The following CHST15 variants were observed in gnomAD, a reference collection of about 807,000 sequenced individuals.
CHST15 encodes the protein B cell RAG associated protein (GALNAC4S-6ST).
CHST15 carries 30 observed loss-of-function variants against 53.6 expected under a neutral mutation model. The ratio of observed to expected loss-of-function variants is 0.56; its 90% CI spans 0.42 to 0.76. CHST15 has a LOEUF of 0.76. Ranked by LOEUF, CHST15 falls within the 30% of genes least tolerant of loss-of-function variation. The pLI is 0.00. For synonymous variants in CHST15, 296 were observed against 289.8 expected (o/e 1.02, Z -0.22); for missense variants, 627 against 740.5 (o/e 0.85, Z 1.78).
chr10:124,038,651 T>G lies in CHST15; in HGVS notation c.1054A>C (p.Met352Leu). 1 of 1,614,114 alleles carries G rather than the reference T, an allele frequency of 6.2e-7. No individual in the cohort carries two copies. The highest frequency in any genetic ancestry group is 8.5e-7 in the Non-Finnish European group (1 of 1,180,018). The change falls in exon 5 of 8, where the codon ATG (methionine) becomes CTG (leucine). Residue 352 changes from methionine to leucine, a missense_variant. Coordinates refer to ENST00000435907, the MANE Select transcript of CHST15 (RefSeq NM_001270764.2). Reference sequence around the variant, plus strand: ...AACGTCCAGGCATTATTATCCCACATCGTGGAGGCACTGGCCTCCCCTGGA... The same window carrying G: ...AACGTCCAGGCATTATTATCCCACAGCGTGGAGGCACTGGCCTCCCCTGGA... Reference protein sequence around the residue: ...IIIGEASASTMWDNNAWTFFY... With the variant: ...IIIGEASASTLWDNNAWTFFY...
At chr10:124,079,782 C>G (rs550262308) in intron 1 of CHST15, among the ~76,000 whole-genome samples, 1 of 152,294 alleles carries the variant, frequency 6.6e-6, no homozygotes, top group South Asian at 2.1e-4. Context: ...CAGCCAGGGC[C>G]GGAAAGCAAT....
intron 6 of CHST15, chr10:124,020,652 C>T (rs893612148): frequency 1.4e-5 from 14 of 991,392 alleles, no homozygotes; most frequent in African/African-American, 1.7e-5. Context: ...ATAAGCCCTG[C>T]TGTTGAAGTA....
intron 5 of CHST15, among the ~76,000 whole-genome samples, chr10:124,031,391 T>C (rs554616150): frequency 1.2e-3 from 178 of 152,248 alleles, no homozygotes; most frequent in African/African-American, 3.9e-3. Flanking sequence ...TGTCATAGAG[T>C]GTTCACAGAA....
At chr10:124,090,818 G>T (rs1339565585) in intron 1 of CHST15, among the ~76,000 whole-genome samples, 3 of 152,210 alleles carry the variant, frequency 2.0e-5, no homozygotes, top group African/African-American at 7.2e-5. Context: ...GACCACTGTG[G>T]GCCGACCTGC....
chr10:124,012,191 G>T, intron 7 of CHST15, 142 bp downstream of exon 7: 7 of 832,740 alleles, frequency 8.4e-6, no homozygotes, highest in Non-Finnish European at 1.3e-5. Context: ...TACTTAACAG[G>T]CCTCCTGAAG....
intron 7 of CHST15, chr10:124,011,858 C>G: frequency 3.0e-6 from 3 of 985,366 alleles, no homozygotes; most frequent in Non-Finnish European, 3.6e-6. Context: ...CTGTTCCCTC[C>G]TCTAAGCCCC....
chr10:124,057,855 A>G (rs1472098316), intron 1 of CHST15, among the ~76,000 whole-genome samples: 2 of 152,126 alleles, frequency 1.3e-5, no homozygotes, highest in Non-Finnish European at 2.9e-5. Context: ...ACCACCCGAG[A>G]TATGGGCCAA....
At chr10:124,062,315 A>G (rs1220944569) in intron 1 of CHST15, among the ~76,000 whole-genome samples, 1 of 152,198 alleles carries the variant, frequency 6.6e-6, no homozygotes, top group Non-Finnish European at 1.5e-5. Flanking sequence ...TGCTGGGCAC[A>G]TAGGAACGGG....
intron 5 of CHST15, among the ~76,000 whole-genome samples, chr10:124,026,157 T>C (rs1946998238): frequency 1.3e-5 from 2 of 152,294 alleles, no homozygotes; most frequent in Admixed American, 6.5e-5. Flanking sequence ...ACTGGGGTCA[T>C]GTGGCCACAT....
In CHST15 at chr10:124,036,461, C is replaced by T. The variant is rs933307966; in HGVS notation, c.1190+2054G>A. On this transcript the variant is annotated intron_variant, in intron 5 of 7. Coordinates refer to ENST00000435907, the MANE Select transcript of CHST15 (RefSeq NM_001270764.2). The surrounding 1 kb of genome is among the most constrained non-coding windows in gnomAD (Gnocchi z 5.1). The stretch of plus-strand genomic sequence containing the variant: ...CCGGGACAGCCACCAAGAGCTCAGG[C>T]TCAGAGCGCTGGGGCTGAGGGAGGG... Among the ~76,000 whole-genome samples, 2 of 152,188 alleles carry T rather than the reference C, an allele frequency of 1.3e-5. No individual in the cohort carries two copies. The highest frequency in any genetic ancestry group is 4.8e-5 in the African/African-American group (2 of 41,454).
rs1949016292 is a variant in CHST15 at position 124,074,545 on chromosome 10, A to G, written c.-513+18924T>C. On this transcript the variant is annotated intron_variant, in intron 1 of 7. Transcript: ENST00000435907. The surrounding 1 kb of genome is among the most constrained non-coding windows in gnomAD (Gnocchi z 4.4). Reference sequence around the variant, plus strand: ...AGGCACCTCACTGGGGACTTACATAACATCCCCCTGCACACCCAACACCTT... The same window carrying G: ...AGGCACCTCACTGGGGACTTACATAGCATCCCCCTGCACACCCAACACCTT... Among the ~76,000 whole-genome samples, 1 of 151,952 alleles carries G rather than the reference A, an allele frequency of 6.6e-6. No homozygotes were observed. The highest frequency in any genetic ancestry group is 2.1e-4 in the South Asian group (1 of 4,822).
intron 5 of CHST15, among the ~76,000 whole-genome samples, chr10:124,022,808 TTTC>T (rs1358429709): frequency 1.4e-5 from 2 of 147,010 alleles, no homozygotes; most frequent in African/African-American, 5.1e-5. Context: ...CTCCTTGGCA[TTTC>T]TTTTTTTTTT....
Position 124,046,422 on chromosome 10 carries a change from AG to A in CHST15, c.-211del. On this transcript the variant is annotated 5_prime_UTR_variant, in exon 2 of 8. The change creates a premature stop within an existing upstream ORF in the 5' untranslated region. Coordinates refer to ENST00000435907, the MANE Select transcript of CHST15 (RefSeq NM_001270764.2). ...TGGTTCAGCTCCGAAAGAAAACAAA[AG>A]GAAGTGATGTCCCAGAGTCATGTTC... The A allele has an allele frequency of 1.9e-6, 1 of 531,930 alleles. No homozygotes were observed. The highest frequency in any genetic ancestry group is 3.3e-6 in the Non-Finnish European group (1 of 306,556). The allele number at this position is 531,930 out of a possible 1,614,324, so 33.0% of individuals were successfully genotyped here.
At chr10:124,073,316 A>C (rs4929819) in intron 1 of CHST15, among the ~76,000 whole-genome samples, 39,824 of 152,146 alleles carry the variant, frequency 0.26, 6,072 homozygotes, top group South Asian at 0.38. Context: ...CCAGATATAA[A>C]GGAGAACCAC....
chr10:124,010,193 C>T lies in CHST15; in HGVS notation c.1642G>A (p.Ala548Thr), dbSNP rs770435977. ...DFYRPFNARL[A>T]QVLADEAFAW... The stretch of plus-strand genomic sequence containing the variant: ...AACGCCTCATCCGCGAGGACCTGCG[C>T]CAGCCTAGCGTTGAAGGGCCTGTAG... Residue 548 changes from alanine to threonine, a missense_variant, in exon 8 of 8, where the codon GCG becomes ACG. Transcript: ENST00000435907. The T allele has an allele frequency of 6.2e-7, 1 of 1,613,876 alleles. No individual in the cohort carries two copies. Among genetic ancestry groups the T allele is most frequent in the Non-Finnish European group, 8.5e-7 (1 of 1,180,048 alleles).
intron 1 of CHST15, among the ~76,000 whole-genome samples, chr10:124,073,316 A>T (rs4929819): frequency 6.6e-6 from 1 of 152,074 alleles, no homozygotes. Flanking sequence ...CCAGATATAA[A>T]GGAGAACCAC....
At chr10:124,051,301 T>C (rs922096907) in intron 1 of CHST15, among the ~76,000 whole-genome samples, 1 of 152,128 alleles carries the variant, frequency 6.6e-6, no homozygotes, top group Non-Finnish European at 1.5e-5. Context: ...TATAGAATAG[T>C]TTACTATGTA....
At position 124,079,718 on chromosome 10, in the gene CHST15, A is replaced by T. The variant is rs564626670; in HGVS notation, c.-513+13751T>A. Among the ~76,000 whole-genome samples the T allele has an allele frequency of 8.0e-4, 122 of 152,322 alleles. 2 individuals carry two copies. The highest frequency in any genetic ancestry group is 7.0e-3 in the South Asian group (34 of 4,828). ...GCTGGAGGCAGCACCAGGAGGGAGG[A>T]AGAACTTCCCCTTGAGGGGGCTCAA... On this transcript the variant is annotated intron_variant, in intron 1 of 7. Transcript: ENST00000435907.
In CHST15 at chr10:124,011,513, G is replaced by A. The variant is rs115851455; in HGVS notation, c.1495+820C>T. 379 of 985,298 alleles carry A rather than the reference G, an allele frequency of 3.8e-4. 1 individual carries two copies. The African/African-American group carries it at 5.5e-3, about 14-fold the overall frequency. 61.0% of individuals were successfully genotyped at this position (985,298 alleles called of 1,614,324 possible). On this transcript the variant is annotated intron_variant, in intron 7 of 7. Coordinates refer to ENST00000435907, the MANE Select transcript of CHST15 (RefSeq NM_001270764.2). ...GAAATACTCAATTAACCAAGTTCCC[G>A]GGCAAGACCATTAGTCAGGGCTGCA...
Sources: allele counts gnomAD v4.1 joint callset (sites outside exome capture counted in the v4.1 genomes callset), GRCh38; gene constraint gnomAD v4.1.1; non-coding constraint Gnocchi (gnomAD v3.1); transcripts MANE v1.5; gene names NCBI Gene and HGNC (gene_info 2026-07-23, HGNC 2026-07-21).